Variants in GANC observed in about 807,000 individuals in gnomAD.
GANC encodes neutral alpha-glucosidase C.
In GANC, 117 loss-of-function variants were observed where a neutral mutation model predicts 124.2. That is an observed-to-expected ratio of 0.94 (90% CI 0.81 to 1.10). GANC has a LOEUF of 1.10. Ranked by LOEUF, GANC falls within the 50% of genes least tolerant of loss-of-function variation. The pLI is 0.00. For synonymous variants in GANC, 377 were observed against 376.8 expected (o/e 1.00, Z -0.01); for missense variants, 1,140 against 1,095.0 (o/e 1.04, Z -0.58).
chr15:42,333,004 G>A (rs2052257868), intron 15 of GANC, among the ~76,000 whole-genome samples: 1 of 144,012 alleles, frequency 6.9e-6, no homozygotes, highest in Non-Finnish European at 1.5e-5. Flanking sequence ...GGCAACAAGA[G>A]CAAAACTCTG....
At chr15:42,330,738 T>A in intron 15 of GANC, 66 bp downstream of exon 15, 1 of 1,018,192 alleles carries the variant, frequency 9.8e-7, no homozygotes, top group Non-Finnish European at 1.5e-6. Context: ...ATTTATAGAA[T>A]GTGATGTTAC....
chr15:42,301,302 G>T (rs956006559), intron 6 of GANC, among the ~76,000 whole-genome samples: 1 of 152,162 alleles, frequency 6.6e-6, no homozygotes, highest in Non-Finnish European at 1.5e-5. Flanking sequence ...ATGAGAGACT[G>T]TGCTGTGAGG....
At chr15:42,283,393 C>G (rs2051753226) in intron 3 of GANC, among the ~76,000 whole-genome samples, 1 of 152,144 alleles carries the variant, frequency 6.6e-6, no homozygotes, top group Admixed American at 6.5e-5. Context: ...TTTCCTACTA[C>G]TATCAGTTTT....
chr15:42,293,530 G>A (rs28735757), intron 5 of GANC, among the ~76,000 whole-genome samples: 1 of 150,042 alleles, frequency 6.7e-6, no homozygotes, highest in Non-Finnish European at 1.5e-5. Context: ...ACTCATTTCT[G>A]TTTTAAAATT....
intron 2 of GANC, chr15:42,278,220 C>A: frequency 4.0e-6 from 1 of 251,622 alleles, no homozygotes; most frequent in Admixed American, 5.0e-5. Flanking sequence ...AATTGCCCCA[C>A]CATCTCAAGA....
chr15:42,332,035 C>G (rs1030068269), intron 15 of GANC, among the ~76,000 whole-genome samples: 2 of 152,022 alleles, frequency 1.3e-5, no homozygotes, highest in African/African-American at 4.8e-5. Flanking sequence ...AAATATGTAT[C>G]TTTTCTTTAT....
chr15:42,284,842 C>T (rs1230084787), intron 3 of GANC, among the ~76,000 whole-genome samples: 1 of 152,150 alleles, frequency 6.6e-6, no homozygotes, highest in Non-Finnish European at 1.5e-5. Context: ...AACACATGCT[C>T]TCTCACCTCA....
chr15:42,332,010 G>T (rs1469566965), intron 15 of GANC, among the ~76,000 whole-genome samples: 1 of 151,962 alleles, frequency 6.6e-6, no homozygotes, highest in Non-Finnish European at 1.5e-5. Context: ...GAGTAATTGG[G>T]ATATCTATCA....
In GANC at chr15:42,349,420, A is replaced by T; in HGVS notation, c.2456A>T (p.His819Leu). Reference protein sequence around the residue: ...SVGELYLDDGHSFQYLHQKQF... With the variant: ...SVGELYLDDGLSFQYLHQKQF... The stretch of plus-strand genomic sequence containing the variant: ...GGTGAGTTATATCTTGATGATGGCC[A>T]TTCATTCCAATACCTCCACCAGAAG... Residue 819 changes from histidine to leucine, a missense_variant, in exon 22 of 24, where the codon CAT (histidine) becomes CTT (leucine). Coordinates refer to ENST00000318010, the MANE Select transcript of GANC (RefSeq NM_198141.3). 6.2e-7 allele frequency: 1 copy of T among 1,613,684 alleles called. No individual in the cohort carries two copies.
intron 5 of GANC, among the ~76,000 whole-genome samples, chr15:42,295,766 C>T (rs973298283): frequency 4.6e-5 from 7 of 152,110 alleles, no homozygotes; most frequent in African/African-American, 7.2e-5. Flanking sequence ...CTACTCCATC[C>T]TAACAATGAC....
At chr15:42,312,317 C>T (rs4595775) in intron 10 of GANC, among the ~76,000 whole-genome samples, 141,075 of 152,290 alleles carry the variant, frequency 0.93, 66,201 homozygotes, top group Non-Finnish European at 1. Context: ...GGGAGAGACC[C>T]GGTGGGAGGT....
intron 15 of GANC, 98 bp downstream of exon 15, chr15:42,330,770 C>CTTTTTTTT (rs71108160): frequency 2.1e-4 from 77 of 361,020 alleles, no homozygotes; most frequent in South Asian, 6.9e-4. Context: ...CTTCCTTTTC[C>CTTTTTTTT]TTTTTTTTTT....
intron 4 of GANC, among the ~76,000 whole-genome samples, chr15:42,289,439 A>G (rs1192932938): frequency 1.3e-5 from 2 of 152,200 alleles, no homozygotes; most frequent in Non-Finnish European, 2.9e-5. Flanking sequence ...GTTACACAGT[A>G]TTGTTCTAGG....
intron 6 of GANC, among the ~76,000 whole-genome samples, chr15:42,306,187 C>T (rs1027630884): frequency 8.5e-5 from 13 of 152,084 alleles, no homozygotes; most frequent in South Asian, 2.1e-4. Flanking sequence ...CCACCACACC[C>T]GGCTAATTTT....
At chr15:42,348,567 T>C (rs971798313) in intron 21 of GANC, among the ~76,000 whole-genome samples, 2 of 152,204 alleles carry the variant, frequency 1.3e-5, no homozygotes, top group Non-Finnish European at 2.9e-5. Flanking sequence ...CCCATGTCTA[T>C]GCACCATTTC....
intron 2 of GANC, among the ~76,000 whole-genome samples, chr15:42,277,305 C>T (rs951974325): frequency 2.8e-4 from 42 of 152,034 alleles, no homozygotes; most frequent in Non-Finnish European, 5.1e-4. Context: ...CCAAGGCAGG[C>T]GGATCACCTG....
rs11437522 is a variant in GANC at position 42,307,337 on chromosome 15, CT to C, written c.625+739del. Among the ~76,000 whole-genome samples, 1,081 of 134,958 alleles carry C rather than the reference CT, an allele frequency of 8.0e-3. 12 individuals are homozygous for C. Among genetic ancestry groups the C allele is most frequent in the African/African-American group, 0.028 (1,009 of 35,996 alleles). The allele number at this position is 134,958 out of a possible 152,430, so 88.5% of individuals were successfully genotyped here. On this transcript the variant is annotated intron_variant, in intron 7 of 23. Transcript: ENST00000318010. ...TTCTGTAACATCATCATCTTTTTATCTTTTTTTTTTTTTTGAGGCAGGTTCT... is the reference window on the plus strand; with the variant it reads ...TTCTGTAACATCATCATCTTTTTATCTTTTTTTTTTTTTGAGGCAGGTTCT...
At chr15:42,318,231 C>A (rs1166051910) in intron 10 of GANC, among the ~76,000 whole-genome samples, 2 of 152,118 alleles carry the variant, frequency 1.3e-5, no homozygotes, top group South Asian at 2.1e-4. Context: ...CTGTTTTTCT[C>A]TTTTCTGGTT....
chr15:42,334,968 G>A (rs577370830), intron 15 of GANC, among the ~76,000 whole-genome samples: 1 of 151,964 alleles, frequency 6.6e-6, no homozygotes. Flanking sequence ...AATTGAATGA[G>A]TAGTAAAAAG....
Sources: allele counts gnomAD v4.1 joint callset (sites outside exome capture counted in the v4.1 genomes callset), GRCh38; gene constraint gnomAD v4.1.1; transcripts MANE v1.5; gene names NCBI Gene and HGNC (gene_info 2026-07-23, HGNC 2026-07-21).